The following RNF17 variants were observed in gnomAD, a reference collection of about 807,000 sequenced individuals.
The protein encoded by RNF17 is ring finger protein 17.
A neutral mutation model predicts 200.5 loss-of-function variants in RNF17; 31 were observed. That is an observed-to-expected ratio of 0.15 (90% confidence interval 0.12 to 0.21). The LOEUF is 0.21. Among genes scored for constraint, RNF17 ranks in the 10% least tolerant of loss-of-function variants. The probability of loss-of-function intolerance (pLI) is 1.00; values close to 1 mark genes in which losing one functional copy is unlikely to be tolerated. For missense variants in RNF17, 1,628 were observed against 1,905.1 expected (o/e 0.85, Z 2.71); for synonymous variants, 606 against 637.8 (o/e 0.95, Z 0.75).
rs1481447649 is a variant in RNF17 at position 24,877,139 on chromosome 13, G to C, written c.4726G>C (p.Ala1576Pro). 6.2e-7 allele frequency: 1 copy of C among 1,613,564 alleles called. No homozygotes were observed. Among genetic ancestry groups the C allele is most frequent in the Admixed American group, 1.7e-5 (1 of 59,930 alleles). Residue 1576 changes from alanine (A) to proline (P), a missense_variant, in exon 34 of 36, where the codon GCT (alanine) becomes CCT (proline). By Grantham distance (27) the Ala-to-Pro change is conservative (BLOSUM62 -1). This residue lies in a region of RNF17 where 609 missense variants were observed against 681.9 expected (regional missense o/e 0.89). Coordinates refer to ENST00000255324, the MANE Select transcript of RNF17 (RefSeq NM_031277.3). ...CPKWSMEALW[A>P]MIDCLQGKQL... ...CAAATGGAGCATGGAGGCACTGTGG[G>C]CTATGATAGACTGTCTTCAAGGAAA...
At chr13:24,859,728 T>G (rs750517457) in intron 26 of RNF17, among the ~76,000 whole-genome samples, 11 of 152,056 alleles carry the variant, frequency 7.2e-5, no homozygotes, top group Non-Finnish European at 1.6e-4. Flanking sequence ...TAATTAGGGG[T>G]GAGGGGAGAA....
chr13:24,862,718 G>A lies in RNF17; in HGVS notation c.3900G>A (p.Gly1300=). Reference sequence around the variant, plus strand: ...AGTTTATTAATCTCAAATAGGTTGGGAATGTCTGGCAACCAGATGCAATAG... The same window carrying A: ...AGTTTATTAATCTCAAATAGGTTGGAAATGTCTGGCAACCAGATGCAATAG... The part of the protein sequence containing the change: ...PCQLHNTTPV[G]NVWQPDAIEV... The change falls in exon 28 of 36, where the codon GGG becomes GGA. Residue 1300 remains glycine, a synonymous_variant. Transcript: ENST00000255324. The A allele has an allele frequency of 1.2e-6, 2 of 1,600,728 alleles. No homozygotes were observed. The highest frequency in any genetic ancestry group is 2.7e-5 in the African/African-American group (2 of 74,746).
chr13:24,767,429 C>A, intron 2 of RNF17, 63 bp downstream of exon 2: 1 of 1,158,642 alleles, frequency 8.6e-7, no homozygotes, highest in Non-Finnish European at 1.3e-6. Context: ...AAAAATACTA[C>A]AGTAGTAAAA....
rs756310964 is a variant in RNF17 at position 24,800,485 on chromosome 13, A to G, written c.1709A>G (p.Gln570Arg). The G allele has an allele frequency of 8.7e-6, 14 of 1,613,688 alleles. No homozygotes were observed. The highest frequency in any genetic ancestry group is 1.1e-5 in the Non-Finnish European group (13 of 1,179,764). ...ACTGAAGGGCTGCTAAAAGACATCC[A>G]GCCATTAGCACAACCATGCTCATTG... Reference protein sequence around the residue: ...PYTEGLLKDIQPLAQPCSLKD... With the variant: ...PYTEGLLKDIRPLAQPCSLKD... The change falls in exon 13 of 36, where the codon CAG (glutamine) becomes CGG (arginine). Residue 570 changes from glutamine (Q) to arginine (R), a missense_variant. Transcript: ENST00000255324.
At chr13:24,875,458 G>T (rs1224229179) in intron 33 of RNF17, among the ~76,000 whole-genome samples, 1 of 152,150 alleles carries the variant, frequency 6.6e-6, no homozygotes, top group Admixed American at 6.6e-5. Context: ...AATTGAAGAG[G>T]ACTGACAACA....
At chr13:24,881,857 TAG>T (rs2138512993), downstream of RNF17, among the ~76,000 whole-genome samples, 84 of 109,222 alleles carry the variant, frequency 7.7e-4, no homozygotes, top group African/African-American at 2.4e-3. Context: ...TACATCTATA[TAG>T]ATATATAGAT....
At chr13:24,759,416 T>C (rs967476985), upstream of RNF17, among the ~76,000 whole-genome samples, 3 of 152,210 alleles carry the variant, frequency 2.0e-5, no homozygotes, top group African/African-American at 7.2e-5. Flanking sequence ...CCAAAATAAA[T>C]TGCTAACCAC....
At chr13:24,879,408 A>G (rs1160435155) in intron 35 of RNF17, 113 bp downstream of exon 35, 2 of 675,520 alleles carry the variant, frequency 3.0e-6, no homozygotes, top group Admixed American at 2.5e-5. Flanking sequence ...AATGACAGCA[A>G]CGCTCCACCA....
At chr13:24,881,826 A>ACAT (rs1953832994), downstream of RNF17, among the ~76,000 whole-genome samples, 1 of 94,942 alleles carries the variant, frequency 1.1e-5, no homozygotes, top group African/African-American at 3.8e-5. Context: ...CTATATAGAT[A>ACAT]CATCTATATA....
chr13:24,790,049 G>A (rs7329895), intron 9 of RNF17, among the ~76,000 whole-genome samples: 2 of 152,024 alleles, frequency 1.3e-5, no homozygotes, highest in African/African-American at 2.4e-5. Flanking sequence ...ATAAATGTCC[G>A]AGAAATTACA....
intron 1 of RNF17, among the ~76,000 whole-genome samples, chr13:24,766,308 G>GT (rs1446467879): frequency 6.6e-6 from 1 of 152,168 alleles, no homozygotes; most frequent in Non-Finnish European, 1.5e-5. Flanking sequence ...TTTTTATCTA[G>GT]TTTTTTTCCC....
At chr13:24,866,024 T>C (rs1893587242) in intron 29 of RNF17, 120 bp from the exon 30 acceptor site, 1 of 643,902 alleles carries the variant, frequency 1.6e-6, no homozygotes. Flanking sequence ...GTAATTGATC[T>C]GAAATAAATA....
chr13:24,860,831 C>CT (rs1893017041), intron 26 of RNF17, among the ~76,000 whole-genome samples: 1 of 150,486 alleles, frequency 6.6e-6, no homozygotes, highest in South Asian at 2.1e-4. Context: ...TACAGTATTA[C>CT]TTTTTTTCCT....
intron 15 of RNF17, among the ~76,000 whole-genome samples, chr13:24,817,148 T>A (rs1369809810): frequency 3.3e-5 from 5 of 152,218 alleles, no homozygotes; most frequent in Non-Finnish European, 7.3e-5. Context: ...TTAGTATTCC[T>A]CCATCTTTTT....
chr13:24,871,469 T>C (rs1483555254), intron 32 of RNF17, among the ~76,000 whole-genome samples: 1 of 151,016 alleles, frequency 6.6e-6, no homozygotes, highest in Non-Finnish European at 1.5e-5. Flanking sequence ...TCCCAAGTAG[T>C]TGGGATTACA....
intron 10 of RNF17, among the ~76,000 whole-genome samples, chr13:24,794,716 C>T (rs974038230): frequency 6.6e-6 from 1 of 152,004 alleles, no homozygotes; most frequent in Non-Finnish European, 1.5e-5. Context: ...CAGAAATATT[C>T]CCCCCAATAA....
In RNF17 at chr13:24,834,692, G is replaced by A. The variant is rs148438685; in HGVS notation, c.2482+2714G>A. 3.8e-3 allele frequency among the ~76,000 whole-genome samples: 577 copies of A among 152,270 alleles called. 2 individuals carry two copies. Among genetic ancestry groups the A allele is most frequent in the African/African-American group, 0.013 (557 of 41,560 alleles). ...GCAGAAAGGCCCTGGGAGCTCACTGGGCCCCCAAGCAGCCCATTCCTGCCT... is the reference window on the plus strand; with the variant it reads ...GCAGAAAGGCCCTGGGAGCTCACTGAGCCCCCAAGCAGCCCATTCCTGCCT... On this transcript the variant is annotated intron_variant, in intron 18 of 35. Transcript: ENST00000255324.
chr13:24,793,229 A>T lies in RNF17; in HGVS notation c.1123A>T (p.Asn375Tyr). The T allele has an allele frequency of 1.9e-6, 3 of 1,614,086 alleles. No individual in the cohort carries two copies. Among genetic ancestry groups the T allele is most frequent in the Non-Finnish European group, 2.5e-6 (3 of 1,179,982 alleles). The change falls in exon 10 of 36, where the codon AAC (asparagine) becomes TAC (tyrosine). Residue 375 changes from asparagine to tyrosine, a missense_variant. Coordinates refer to ENST00000255324, the MANE Select transcript of RNF17 (RefSeq NM_031277.3). ...AAATGATGTACATTTAGAAGCAAAA[A>T]ACTTCCAGCCACAGAAAGACGTTGC... ...ETNDVHLEAK[N>Y]FQPQKDVATA...
chr13:24,884,457 T>C (rs1953952236), downstream of RNF17: 1 of 1,614,056 alleles, frequency 6.2e-7, no homozygotes, highest in Non-Finnish European at 8.5e-7. Context: ...TTATAAACCT[T>C]TTCCACCTAA....
Sources: gnomAD v4.1 joint callset for allele counts (sites outside exome capture counted in the v4.1 genomes callset) on GRCh38, gnomAD v4.1.1 for gene constraint, gnomAD v4.1.1 regional missense constraint, MANE v1.5 for transcripts, NCBI Gene and HGNC (gene_info 2026-07-23, HGNC 2026-07-21) for gene names.